The following RASAL1 variants were observed in gnomAD, a reference collection of about 807,000 sequenced individuals.
The protein encoded by RASAL1 is rasGAP-activating-like protein 1.
A neutral mutation model predicts 96.6 loss-of-function variants in RASAL1; 72 were observed. The ratio of observed to expected loss-of-function variants is 0.75; its 90% CI spans 0.62 to 0.91. The LOEUF (loss-of-function observed/expected upper bound fraction) is 0.91, where lower values mean the gene tolerates loss of function less well. Among genes scored for constraint, RASAL1 ranks in the 40% least tolerant of loss-of-function variants. The pLI is 0.00. For missense variants in RASAL1, 1,016 were observed against 1,072.5 expected, an observed-to-expected ratio of 0.95 and a Z score of 0.74; for synonymous variants, 405 against 430.4, an observed-to-expected ratio of 0.94 and a Z score of 0.73.
intron 15 of RASAL1, among the ~76,000 whole-genome samples, chr12:113,106,226 G>C (rs971071177): frequency 2.0e-5 from 3 of 152,080 alleles, no homozygotes; most frequent in African/African-American, 2.4e-5. Flanking sequence ...CCAGGACACA[G>C]CCCCGCCACC....
At chr12:113,134,343 A>G (rs1789136419) in intron 1 of RASAL1, among the ~76,000 whole-genome samples, 1 of 152,110 alleles carries the variant, frequency 6.6e-6, no homozygotes, top group Admixed American at 6.5e-5. Flanking sequence ...CTGGGAGCCC[A>G]CACCTTGGGG....
rs1183078634 is a variant in RASAL1 at position 113,099,595 on chromosome 12, T to C, written c.*334A>G. On this transcript the variant is annotated 3_prime_UTR_variant, in exon 21 of 21. Transcript: ENST00000548055. ...TTCAGGTCCAGCTGTATCCAGCAGC[T>C]CAGGGCCAGGCTGGCCTCCTTGGTA... 2.7e-5 allele frequency: 6 copies of C among 226,110 alleles called. No homozygotes were observed. Among genetic ancestry groups the C allele is most frequent in the Non-Finnish European group, 5.2e-5 (6 of 116,366 alleles). 14.0% of individuals were successfully genotyped at this position (226,110 alleles called of 1,614,324 possible).
Position 113,119,152 on chromosome 12 carries a change from C to T in RASAL1, c.618G>A (p.Val206=). The T allele has an allele frequency of 6.2e-7, 1 of 1,612,322 alleles. No homozygotes were observed. The highest frequency in any genetic ancestry group is 1.3e-5 in the African/African-American group (1 of 75,012). The change falls in exon 7 of 21, where the codon GTG becomes GTA. Residue 206 remains valine (V), a synonymous_variant. Coordinates refer to ENST00000548055, the MANE Select transcript of RASAL1 (RefSeq NM_001301202.2). ...CCATGCCCAAGAAGTCATTCTTGCC[C>T]ACCATGTCCCAGTCCCAGAGCTCCA... ...LRVELWDWDM[V]GKNDFLGMVE...
intron 7 of RASAL1, among the ~76,000 whole-genome samples, chr12:113,118,642 G>C (rs954977239): frequency 6.6e-6 from 1 of 152,196 alleles, no homozygotes; most frequent in Non-Finnish European, 1.5e-5. Flanking sequence ...TCCAGGAGTA[G>C]GAGTTAAGGG....
At chr12:113,100,110 G>A (rs1345659647) in intron 20 of RASAL1, 42 bp from the exon 21 acceptor site, 1 of 1,537,816 alleles carries the variant, frequency 6.5e-7, no homozygotes, top group East Asian at 2.4e-5. Flanking sequence ...AGCCAGTCCA[G>A]GGCAGGCTGC....
Position 113,135,561 on chromosome 12 carries a change from C to A in RASAL1, c.-99G>T. The A allele has an allele frequency of 9.6e-7, 1 of 1,046,186 alleles. No homozygotes were observed. The highest frequency in any genetic ancestry group is 1.4e-6 in the Non-Finnish European group (1 of 706,060). The allele number at this position is 1,046,186 out of a possible 1,614,324, so 64.8% of individuals were successfully genotyped here. The stretch of plus-strand genomic sequence containing the variant: ...CACCTGCTTCAAGCCTGGCTCCCTG[C>A]CTCGTGGTCCCAGTGCCGCCTGTCC... On this transcript the variant is annotated 5_prime_UTR_variant, in exon 1 of 21. Coordinates refer to ENST00000548055, the MANE Select transcript of RASAL1 (RefSeq NM_001301202.2). This position sits in a 1 kb window ranked among gnomAD's most constrained non-coding sequence, Gnocchi z 5.7.
chr12:113,136,710 A>C (rs536107420), upstream of RASAL1, among the ~76,000 whole-genome samples: 12 of 152,370 alleles, frequency 7.9e-5, no homozygotes, highest in South Asian at 1.2e-3. Flanking sequence ...AGAGTTAATG[A>C]AGATAAAAGT....
At chr12:113,119,548 C>T (rs1298023297) in intron 5 of RASAL1, 105 bp from the exon 6 acceptor site, 1 of 1,128,824 alleles carries the variant, frequency 8.9e-7, no homozygotes, top group Non-Finnish European at 1.3e-6. Context: ...TCCAAGGCAA[C>T]AAACTGTTCC....
At position 113,124,079 on chromosome 12, in the gene RASAL1, A is replaced by G. The variant is rs147181578; in HGVS notation, c.299-2441T>C. Among the ~76,000 whole-genome samples, 545 of 152,250 alleles carry G rather than the reference A, an allele frequency of 3.6e-3. 3 individuals carry two copies. The Middle Eastern group carries it at 0.054, about 15-fold the overall frequency. ...TATGAAAATACAAAAAAAGTTAGGC[A>G]TGGTGGTGCATGCCTGCAATCCCAG... On this transcript the variant is annotated intron_variant, in intron 4 of 20. Transcript: ENST00000548055.
At chr12:113,109,484 A>G (rs1219562212) in intron 13 of RASAL1, among the ~76,000 whole-genome samples, 1 of 152,054 alleles carries the variant, frequency 6.6e-6, no homozygotes, top group Non-Finnish European at 1.5e-5. Context: ...TGGCCCATCT[A>G]AAGGTAACGC....
chr12:113,112,270 G>A lies in RASAL1; in HGVS notation c.1190C>T (p.Ser397Phe). The A allele has an allele frequency of 7.9e-7, 1 of 1,260,132 alleles. No homozygotes were observed. The highest frequency in any genetic ancestry group is 1.0e-6 in the Non-Finnish European group (1 of 994,082). The allele number at this position is 1,260,132 out of a possible 1,614,324, so 78.1% of individuals were successfully genotyped here. ...KMDLGRTRRISFKGALSEEQM... is the reference protein window; with the variant it reads ...KMDLGRTRRIFFKGALSEEQM... ...CTCCTCCGAGAGTGCGCCTTTGAAG[G>A]AGATCCTCCTGGAGGGGCCGGCGGA... The change falls in exon 13 of 21, where the codon TCC becomes TTC. Residue 397 changes from serine to phenylalanine, a missense_variant. Ser to Phe is a radical substitution (Grantham distance 155, BLOSUM62 -2). Coordinates refer to ENST00000548055, the MANE Select transcript of RASAL1 (RefSeq NM_001301202.2).
At chr12:113,133,580 A>T (rs889223757) in intron 1 of RASAL1, among the ~76,000 whole-genome samples, 1 of 151,778 alleles carries the variant, frequency 6.6e-6, no homozygotes, top group African/African-American at 2.4e-5. Flanking sequence ...GCCAGAATGG[A>T]CCCCCCTCAA....
At chr12:113,100,815 C>A in intron 19 of RASAL1, 135 bp from the exon 20 acceptor site, 1 of 692,706 alleles carries the variant, frequency 1.4e-6, no homozygotes, top group Non-Finnish European at 2.6e-6. Context: ...TCATCATCTA[C>A]ACAGCAAACA....
chr12:113,105,803 C>T lies in RASAL1; in HGVS notation c.1741G>A (p.Ala581Thr). The T allele has an allele frequency of 6.2e-7, 1 of 1,614,192 alleles. No individual in the cohort carries two copies. The highest frequency in any genetic ancestry group is 8.5e-7 in the Non-Finnish European group (1 of 1,180,026). The change falls in exon 16 of 21, where the codon GCC (alanine) becomes ACC (threonine). Residue 581 changes from alanine to threonine, a missense_variant. Physicochemically the swap from Ala to Thr is moderately conservative, Grantham distance 58. Coordinates refer to ENST00000548055, the MANE Select transcript of RASAL1 (RefSeq NM_001301202.2). ...GYLLKRKEEPAGLATRFAFKK... is the reference protein window; with the variant it reads ...GYLLKRKEEPTGLATRFAFKK... ...AAGGCAAAGCGCGTGGCCAGGCCGG[C>T]AGGCTCCTCCTTGCGCTTCAGCAGA... is the stretch of plus-strand genomic sequence containing the variant.
chr12:113,105,878 C>T lies in RASAL1; in HGVS notation c.1666G>A (p.Val556Ile). The change falls in exon 16 of 21, where the codon GTC (valine) becomes ATC (isoleucine). Residue 556 changes from valine (V) to isoleucine (I), a missense_variant. Coordinates refer to ENST00000548055, the MANE Select transcript of RASAL1 (RefSeq NM_001301202.2). ...GGCGGGAACAGGGCCCTGGCTGGGACACCAGCTTCTAGGAGATGGGAGAAG... is the reference window on the plus strand; with the variant it reads ...GGCGGGAACAGGGCCCTGGCTGGGATACCAGCTTCTAGGAGATGGGAGAAG... The part of the protein sequence containing the change: ...VDVDGDEEAG[V>I]PARALFPPSA... 1.9e-6 allele frequency: 3 copies of T among 1,612,858 alleles called. No homozygotes were observed. The highest frequency in any genetic ancestry group is 1.7e-6 in the Non-Finnish European group (2 of 1,179,446).
intron 7 of RASAL1, among the ~76,000 whole-genome samples, 185 bp from the exon 8 acceptor site, chr12:113,117,346 C>T (rs553837528): frequency 1.3e-5 from 2 of 152,322 alleles, no homozygotes; most frequent in African/African-American, 4.8e-5. Context: ...ACACTGAGGG[C>T]TTCTGAGGGC....
chr12:113,134,158 G>C (rs139356328), intron 1 of RASAL1, among the ~76,000 whole-genome samples: 1 of 152,182 alleles, frequency 6.6e-6, no homozygotes, highest in Non-Finnish European at 1.5e-5. Flanking sequence ...GGGGGGGCTT[G>C]TCCAGCCACT....
At chr12:113,100,774 C>A in intron 19 of RASAL1, 94 bp from the exon 20 acceptor site, 2 of 891,210 alleles carry the variant, frequency 2.2e-6, no homozygotes, top group Non-Finnish European at 3.6e-6. Flanking sequence ...TTTTCCTGAA[C>A]CATCACCATC....
At chr12:113,114,453 G>C (rs1950985769) in intron 12 of RASAL1, among the ~76,000 whole-genome samples, 1 of 142,634 alleles carries the variant, frequency 7.0e-6, no homozygotes. Context: ...CAGCCTGGGT[G>C]ACAGAGTAAA....
Sources: allele counts gnomAD v4.1 joint callset (sites outside exome capture counted in the v4.1 genomes callset), GRCh38; gene constraint gnomAD v4.1.1; non-coding constraint Gnocchi (gnomAD v3.1); transcripts MANE v1.5; gene names NCBI Gene and HGNC (gene_info 2026-07-23, HGNC 2026-07-21).